The following EIF4E variants were observed in gnomAD, a reference collection of about 807,000 sequenced individuals.
EIF4E encodes eIF-4F 25 kDa subunit.
For synonymous variants in EIF4E, 71 were observed against 88.5 expected, an observed-to-expected ratio of 0.80 and a Z score of 1.11; for missense variants, 113 against 265.6, an observed-to-expected ratio of 0.43 and a Z score of 3.99.
intron 1 of EIF4E, among the ~76,000 whole-genome samples, chr4:98,914,705 T>C (rs1032962099): frequency 1.1e-4 from 17 of 152,132 alleles, no homozygotes; most frequent in Non-Finnish European, 2.1e-4. Flanking sequence ...CGCAGATACA[T>C]GTCATTTTAC....
intron 1 of EIF4E, chr4:98,909,576 T>C: frequency 1.5e-6 from 1 of 672,016 alleles, no homozygotes; most frequent in Non-Finnish European, 2.7e-6. Context: ...CTAAATGTTC[T>C]TTATATTCCT....
intron 2 of EIF4E, chr4:98,891,569 AAGAC>A (rs1724144064): frequency 1.9e-6 from 1 of 526,310 alleles, no homozygotes; most frequent in Admixed American, 3.5e-5. Context: ...CCCTCCAAAA[AAGAC>A]AAATACTGTA....
intron 1 of EIF4E, among the ~76,000 whole-genome samples, chr4:98,927,598 T>G (rs1394674290): frequency 7.9e-6 from 1 of 127,026 alleles, no homozygotes; most frequent in Non-Finnish European, 1.6e-5. Flanking sequence ...GAGGTTGCAG[T>G]GAGCCGAGAT....
intron 1 of EIF4E, among the ~76,000 whole-genome samples, chr4:98,906,136 T>C (rs896472745): frequency 2.0e-5 from 3 of 152,208 alleles, no homozygotes; most frequent in Admixed American, 2.0e-4. Flanking sequence ...GATGAGCCTT[T>C]CCCCTCAGAA....
At position 98,881,060 on chromosome 4, in the gene EIF4E, C is replaced by T. The variant is rs764367114; in HGVS notation, c.622G>A (p.Gly208Ser). The T allele has an allele frequency of 6.8e-6, 11 of 1,611,496 alleles. No homozygotes were observed. Among genetic ancestry groups the T allele is most frequent in the East Asian group, 4.5e-5 (2 of 44,832 alleles). Residue 208 changes from glycine to serine, a missense_variant, in exon 7 of 7, where the codon GGC (glycine) becomes AGC (serine). Transcript: ENST00000450253. ...ACAAACCTATTTTTAGTGGTGGAGC[C>T]GCTCTTAGTAGCTGTGTCTGCGTGG... The part of the protein sequence containing the change: ...QSHADTATKS[G>S]STTKNRFVV
chr4:98,902,336 C>T (rs932319723), intron 1 of EIF4E, among the ~76,000 whole-genome samples: 2 of 152,220 alleles, frequency 1.3e-5, no homozygotes, highest in Non-Finnish European at 2.9e-5. Flanking sequence ...TCCCAAAGTG[C>T]TGGGATTACA....
intron 1 of EIF4E, among the ~76,000 whole-genome samples, chr4:98,922,856 T>C (rs1362242987): frequency 4.6e-5 from 7 of 150,606 alleles, no homozygotes; most frequent in Non-Finnish European, 1.0e-4. Context: ...TTTTCTTTTT[T>C]TTTTTTTTTG....
intron 5 of EIF4E, 147 bp from the exon 6 acceptor site, chr4:98,885,208 T>C (rs1002688766): frequency 8.9e-6 from 9 of 1,014,162 alleles, no homozygotes; most frequent in South Asian, 6.4e-5. Flanking sequence ...TTTGCATATA[T>C]TGATCTGTCC....
chr4:98,906,497 T>C (rs974421229), intron 1 of EIF4E, among the ~76,000 whole-genome samples: 1 of 152,302 alleles, frequency 6.6e-6, no homozygotes, highest in South Asian at 2.1e-4. Context: ...TTTATCATTT[T>C]ACAAAAGTAT....
chr4:98,899,506 T>C (rs1724558499), intron 2 of EIF4E, among the ~76,000 whole-genome samples: 1 of 152,116 alleles, frequency 6.6e-6, no homozygotes, highest in Admixed American at 6.6e-5. Flanking sequence ...AATGTGGCAG[T>C]ATCTGCGCAA....
intron 1 of EIF4E, among the ~76,000 whole-genome samples, chr4:98,920,182 C>T (rs1247138522): frequency 6.6e-6 from 1 of 152,206 alleles, no homozygotes; most frequent in Non-Finnish European, 1.5e-5. Context: ...CAGAACTTAG[C>T]CTGTGCCAGA....
chr4:98,899,450 A>C (rs1724556540), intron 2 of EIF4E, among the ~76,000 whole-genome samples: 1 of 152,206 alleles, frequency 6.6e-6, no homozygotes, highest in Non-Finnish European at 1.5e-5. Context: ...AGGATATAGA[A>C]ACCAGGAACT....
intron 2 of EIF4E, among the ~76,000 whole-genome samples, chr4:98,901,099 A>G (rs1724625911): frequency 6.6e-6 from 1 of 152,160 alleles, no homozygotes; most frequent in African/African-American, 2.4e-5. Flanking sequence ...TCCAATGGAT[A>G]TTTTGACATC....
Position 98,891,258 on chromosome 4 carries a change from T to C in EIF4E, c.200A>G (p.Asp67Gly). The change falls in exon 3 of 7, where the codon GAT becomes GGT. Residue 67 changes from aspartate (D) to glycine (G), a missense_variant. Transcript: ENST00000450253. ...QANLRLISKF[D>G]TVEDFWALYN... is the part of the protein sequence containing the mutation. Reference sequence around the variant, plus strand: ...TTACGCCCAAAAGTCTTCAACAGTATCAAACTTGGAGATCAGCCGCAGGTT... The same window carrying C: ...TTACGCCCAAAAGTCTTCAACAGTACCAAACTTGGAGATCAGCCGCAGGTT... 1.2e-6 allele frequency: 2 copies of C among 1,614,168 alleles called. No individual in the cohort carries two copies. Among genetic ancestry groups the C allele is most frequent in the Non-Finnish European group, 1.7e-6 (2 of 1,180,020 alleles).
chr4:98,892,091 A>G (rs967735560), intron 2 of EIF4E, among the ~76,000 whole-genome samples: 17 of 152,262 alleles, frequency 1.1e-4, no homozygotes, highest in African/African-American at 2.9e-4. Context: ...TCACGCCTGT[A>G]ATCCCAGCAC....
intron 1 of EIF4E, among the ~76,000 whole-genome samples, chr4:98,917,129 C>CA (rs1725421271): frequency 1.6e-5 from 1 of 60,916 alleles, no homozygotes; most frequent in Non-Finnish European, 3.2e-5. Flanking sequence ...CACACACACA[C>CA]ACACAAAAAA....
chr4:98,884,801 G>T, intron 6 of EIF4E, 121 bp downstream of exon 6: 1 of 1,378,750 alleles, frequency 7.3e-7, no homozygotes, highest in Non-Finnish European at 1.0e-6. Context: ...AAGTGTTCAC[G>T]AAAACAATAC....
intron 1 of EIF4E, among the ~76,000 whole-genome samples, chr4:98,918,281 T>C (rs1475465643): frequency 6.7e-6 from 1 of 150,366 alleles, no homozygotes; most frequent in African/African-American, 2.5e-5. Flanking sequence ...GAGAATTGCT[T>C]GAACCCAAGA....
At chr4:98,915,919 T>C (rs1234149913) in intron 1 of EIF4E, among the ~76,000 whole-genome samples, 3 of 151,598 alleles carry the variant, frequency 2.0e-5, no homozygotes, top group Non-Finnish European at 4.4e-5. Flanking sequence ...AAAACTTTGC[T>C]TCTGCTCATG....
Sources: gnomAD v4.1 joint callset for allele counts (sites outside exome capture counted in the v4.1 genomes callset) on GRCh38, gnomAD v4.1.1 for gene constraint, MANE v1.5 for transcripts, NCBI Gene and HGNC (gene_info 2026-07-23, HGNC 2026-07-21) for gene names.